The following SLC34A3 variants were observed in gnomAD, a reference collection of about 807,000 sequenced individuals.
The protein encoded by SLC34A3 is solute carrier family 34 member 3, also known as sodium-dependent phosphate transport protein 2C.
In SLC34A3, 60 loss-of-function variants were observed where a neutral mutation model predicts 43.9. The ratio of observed to expected loss-of-function variants is 1.37; its 90% CI spans 1.11 to 1.70. The LOEUF is 1.70. Ranked by LOEUF, SLC34A3 falls within the 40% of genes most tolerant of loss-of-function variation. The pLI, the probability that SLC34A3 is intolerant of heterozygous loss-of-function variation, is 0.00. For synonymous variants in SLC34A3, 451 were observed against 386.2 expected (o/e 1.17, Z -1.97); for missense variants, 969 against 823.8 (o/e 1.18, Z -2.16).
At chr9:137,229,840 C>CGGGGCT (rs894525729), upstream of SLC34A3, among the ~76,000 whole-genome samples, 1 of 152,042 alleles carries the variant, frequency 6.6e-6, no homozygotes, top group Non-Finnish European at 1.5e-5. Flanking sequence ...TTTGAGGGGC[C>CGGGGCT]GGGGCTGGGG....
chr9:137,231,831 C>A (rs760920060), intron 2 of SLC34A3, 44 bp downstream of exon 2: 7 of 1,514,720 alleles, frequency 4.6e-6, no homozygotes, highest in Middle Eastern at 1.7e-4. Flanking sequence ...AGTCTGACCA[C>A]CCACCCCCCA....
At chr9:137,232,245 C>G (rs1447008637) in intron 3 of SLC34A3, 84 bp downstream of exon 3, 1 of 1,317,144 alleles carries the variant, frequency 7.6e-7, no homozygotes, top group African/African-American at 1.4e-5. Context: ...GTGGGGCCTG[C>G]CCAAACAGGC....
Position 137,233,220 on chromosome 9 carries a change from G to C in SLC34A3, c.572G>C (p.Gly191Ala). The C allele has an allele frequency of 1.3e-6, 2 of 1,574,756 alleles. No individual in the cohort carries two copies. Among genetic ancestry groups the C allele is most frequent in the East Asian group, 4.7e-5 (2 of 42,272 alleles). ...CTCTGCGGCCACAGGGCTTTCAGCG[G>C]CTCGGCGGTGCACGGGATCTTCAAC... ...DRDEFQRAFS[G>A]SAVHGIFNWL... Residue 191 changes from glycine (G) to alanine (A), a missense_variant, in exon 7 of 13, where the codon GGC (glycine) becomes GCC (alanine). Gly to Ala is a moderately conservative substitution (Grantham distance 60, BLOSUM62 0). Coordinates refer to ENST00000673835, the MANE Select transcript of SLC34A3 (RefSeq NM_001177316.2).
intron 2 of SLC34A3, 47 bp downstream of exon 2, chr9:137,231,834 A>C (rs1564415262): frequency 1.3e-6 from 2 of 1,500,296 alleles, no homozygotes; most frequent in Middle Eastern, 1.7e-4. Context: ...CTGACCACCC[A>C]CCCCCCAGGC....
chr9:137,234,795 T>C lies in SLC34A3; in HGVS notation c.1335+64T>C. ...TTCCTCTCAGCCCCACAGACAGGAGTGTGTCACCAGCCCCGGGGCCCTAGG... is the reference window on the plus strand; with the variant it reads ...TTCCTCTCAGCCCCACAGACAGGAGCGTGTCACCAGCCCCGGGGCCCTAGG... On this transcript the variant is annotated intron_variant, in intron 12 of 12. Coordinates refer to ENST00000673835, the MANE Select transcript of SLC34A3 (RefSeq NM_001177316.2). This position sits in a 1 kb window ranked among gnomAD's most constrained non-coding sequence, Gnocchi z 6.9. The C allele has an allele frequency of 6.3e-7, 1 of 1,597,174 alleles. No homozygotes were observed. Among genetic ancestry groups the C allele is most frequent in the Non-Finnish European group, 8.5e-7 (1 of 1,178,772 alleles).
chr9:137,234,849 C>A lies in SLC34A3; in HGVS notation c.1335+118C>A. ...GCTGTGCCCCCGCCTTCCTGGACCC[C>A]TTCCCTGGCCGCCAGCCTCAGCCCT... is the stretch of plus-strand genomic sequence containing the variant. On this transcript the variant is annotated intron_variant, in intron 12 of 12. Coordinates refer to ENST00000673835, the MANE Select transcript of SLC34A3 (RefSeq NM_001177316.2). This position sits in a 1 kb window ranked among gnomAD's most constrained non-coding sequence, Gnocchi z 6.9. 1 of 1,477,454 alleles carries A rather than the reference C, an allele frequency of 6.8e-7. No homozygotes were observed. The allele number at this position is 1,477,454 out of a possible 1,614,324, so 91.5% of individuals were successfully genotyped here.
chr9:137,229,808 G>A (rs189246618), upstream of SLC34A3, among the ~76,000 whole-genome samples: 738 of 152,270 alleles, frequency 4.8e-3, 17 homozygotes, highest in Admixed American at 0.04. Flanking sequence ...TCCTGGCTCC[G>A]AGCAGCCACC....
At position 137,232,870 on chromosome 9, in the gene SLC34A3, C is replaced by G. The variant is rs114724831; in HGVS notation, c.391C>G (p.Leu131Val). The G allele has an allele frequency of 3.1e-6, 5 of 1,612,038 alleles. No homozygotes were observed. The highest frequency in any genetic ancestry group is 4.2e-6 in the Non-Finnish European group (5 of 1,179,620). Residue 131 changes from leucine (L) to valine (V), a missense_variant, in exon 5 of 13, where the codon CTG (leucine) becomes GTG (valine). By Grantham distance (32) the Leu-to-Val change is conservative (BLOSUM62 1). Coordinates refer to ENST00000673835, the MANE Select transcript of SLC34A3 (RefSeq NM_001177316.2). ...GGTCATTGGCGTGCTGGTCACAGCCCTGGTGCAGAGTTCCAGCACGTCCTC... is the reference window on the plus strand; with the variant it reads ...GGTCATTGGCGTGCTGGTCACAGCCGTGGTGCAGAGTTCCAGCACGTCCTC... Reference protein sequence around the residue: ...GLVIGVLVTALVQSSSTSSSI... With the variant: ...GLVIGVLVTAVVQSSSTSSSI...
At position 137,233,165 on chromosome 9, in the gene SLC34A3, C is replaced by T. The variant is rs747633679; in HGVS notation, c.561-44C>T. 8 of 1,549,744 alleles carry T rather than the reference C, an allele frequency of 5.2e-6. No homozygotes were observed. In the African/African-American group the frequency reaches 9.6e-5, roughly 19 times the overall value. On this transcript the variant is annotated intron_variant, in intron 6 of 12. Transcript: ENST00000673835. ...GCTGGGGCTGCAGTGGCAGCCCCAG[C>T]CCGGGCCCCCCCACCTGACCCTGCC...
rs755791516 is a variant in SLC34A3, at chr9:137,232,891, T to C, written c.412T>C (p.Ser138Pro). ...VTALVQSSSTSSSIVVSMVAA... is the reference protein window; with the variant it reads ...VTALVQSSSTPSSIVVSMVAA... ...AGCCCTGGTGCAGAGTTCCAGCACG[T>C]CCTCCTCCATCGTGGTCAGCATGGT... Residue 138 changes from serine (S) to proline (P), a missense_variant, in exon 5 of 13, where the codon TCC (serine) becomes CCC (proline). Physicochemically the swap from Ser to Pro is moderately conservative, Grantham distance 74. Coordinates refer to ENST00000673835, the MANE Select transcript of SLC34A3 (RefSeq NM_001177316.2). 6.2e-7 allele frequency: 1 copy of C among 1,607,458 alleles called. No individual in the cohort carries two copies. The highest frequency in any genetic ancestry group is 1.3e-5 in the African/African-American group (1 of 74,600).
rs202019195 is a variant in SLC34A3, at chr9:137,234,299, G to C, written c.1093+23G>C. 24 of 1,608,124 alleles carry C rather than the reference G, an allele frequency of 1.5e-5. No homozygotes were observed. Among genetic ancestry groups the C allele is most frequent in the East Asian group, 6.7e-5 (3 of 44,806 alleles). Reference sequence around the variant, plus strand: ...CGGGTGAGGGCGTGGGAGGAGGTGCGGTGGCCAGGGCTGACCCAGCATCCC... The same window carrying C: ...CGGGTGAGGGCGTGGGAGGAGGTGCCGTGGCCAGGGCTGACCCAGCATCCC... On this transcript the variant is annotated intron_variant, in intron 10 of 12. Coordinates refer to ENST00000673835, the MANE Select transcript of SLC34A3 (RefSeq NM_001177316.2). The surrounding 1 kb of genome is among the most constrained non-coding windows in gnomAD (Gnocchi z 6.9).
chr9:137,233,838 C>G, intron 8 of SLC34A3, 25 bp from the exon 9 acceptor site: 1 of 1,538,854 alleles, frequency 6.5e-7, no homozygotes, highest in Non-Finnish European at 8.8e-7. Flanking sequence ...CTGAGCCTGT[C>G]CTGAGTCCTC....
chr9:137,230,164 C>A (rs1476491492), upstream of SLC34A3, among the ~76,000 whole-genome samples: 1 of 152,140 alleles, frequency 6.6e-6, no homozygotes, highest in South Asian at 2.1e-4. Flanking sequence ...GCCCAGTCCT[C>A]CTAGGGGACA....
At chr9:137,230,185 G>A (rs185123904), upstream of SLC34A3, among the ~76,000 whole-genome samples, 25 of 152,292 alleles carry the variant, frequency 1.6e-4, no homozygotes, top group South Asian at 8.3e-4. Context: ...CCCCACAGGC[G>A]GTGGGGCCAG....
Position 137,232,766 on chromosome 9 carries a change from C to T in SLC34A3, c.305-18C>T, listed in dbSNP as rs1210356514. The T allele has an allele frequency of 6.2e-7, 1 of 1,613,004 alleles. No individual in the cohort carries two copies. The highest frequency in any genetic ancestry group is 8.5e-7 in the Non-Finnish European group (1 of 1,179,994). ...ACCAGCCCTCCGCAGCTTCAGCGCA[C>T]CTCTCTTGCCGGTGTAGGCAAAGTG... On this transcript the variant is annotated intron_variant, in intron 4 of 12. Coordinates refer to ENST00000673835, the MANE Select transcript of SLC34A3 (RefSeq NM_001177316.2).
At chr9:137,232,021 G>T in intron 2 of SLC34A3, 51 bp from the exon 3 acceptor site, 1 of 1,565,530 alleles carries the variant, frequency 6.4e-7, no homozygotes, top group Non-Finnish European at 8.8e-7. Flanking sequence ...TGTGCCCCCA[G>T]TTGGAGGGAG....
chr9:137,233,779 T>TGC, intron 8 of SLC34A3, 57 bp downstream of exon 8: 7 of 1,445,822 alleles, frequency 4.8e-6, no homozygotes, highest in South Asian at 1.2e-5. Context: ...TGCTGAGTCA[T>TGC]CCCGCCCCAC....
intron 1 of SLC34A3, 116 bp from the exon 2 acceptor site, chr9:137,231,548 G>A (rs558624982): frequency 1.4e-6 from 1 of 719,756 alleles, no homozygotes; most frequent in Non-Finnish European, 2.5e-6. Flanking sequence ...AGGGCGTAGA[G>A]AGGGAGGGTG....
chr9:137,236,159 G>A lies in SLC34A3; in HGVS notation c.1543G>A (p.Ala515Thr), dbSNP rs1486024718. The A allele has an allele frequency of 6.2e-6, 10 of 1,608,410 alleles. No homozygotes were observed. The highest frequency in any genetic ancestry group is 7.6e-6 in the Non-Finnish European group (9 of 1,178,660). ...CTCCCTGGCAGGGGGCATGGAGCTG[G>A]CCGCTGTCGGGGGTCCCCTGGTGGG... ...GLSLAGGMEL[A>T]AVGGPLVGLV... is the part of the protein sequence containing the mutation. Residue 515 changes from alanine to threonine, a missense_variant, in exon 13 of 13, where the codon GCC (alanine) becomes ACC (threonine). Ala to Thr is a moderately conservative substitution (Grantham distance 58, BLOSUM62 0). Transcript: ENST00000673835.
Sources: allele counts gnomAD v4.1 joint callset (sites outside exome capture counted in the v4.1 genomes callset), GRCh38; gene constraint gnomAD v4.1.1; non-coding constraint Gnocchi (gnomAD v3.1); transcripts MANE v1.5; gene names NCBI Gene and HGNC (gene_info 2026-07-23, HGNC 2026-07-21).